Variants in CDH26 observed in about 807,000 individuals in gnomAD.
The protein encoded by CDH26 is cadherin 26, also known as cadherin-like protein 26.
A neutral mutation model predicts 90.3 loss-of-function variants in CDH26; 83 were observed. That is an observed-to-expected ratio of 0.92 (90% CI 0.77 to 1.10). CDH26 has a LOEUF of 1.10. Ranked by LOEUF, CDH26 falls within the 50% of genes least tolerant of loss-of-function variation. The pLI, the probability that CDH26 is intolerant of heterozygous loss-of-function variation, is 0.00. For synonymous variants in CDH26, 397 were observed against 396.3 expected, an observed-to-expected ratio of 1.00 and a Z score of -0.02; for missense variants, 1,013 against 1,037.6, an observed-to-expected ratio of 0.98 and a Z score of 0.33.
chr20:60,026,300 G>A (rs1293445362), intron 7 of CDH26, among the ~76,000 whole-genome samples: 3 of 152,024 alleles, frequency 2.0e-5, no homozygotes, highest in Non-Finnish European at 4.4e-5. Flanking sequence ...CCAGCTGATT[G>A]TAAAATAGGG....
intron 1 of CDH26, among the ~76,000 whole-genome samples, chr20:59,960,110 T>C (rs967671375): frequency 6.6e-6 from 1 of 152,140 alleles, no homozygotes; most frequent in Non-Finnish European, 1.5e-5. Context: ...CAGCTTAACT[T>C]TGTTCCTTAC....
intron 4 of CDH26, among the ~76,000 whole-genome samples, chr20:59,973,286 A>T (rs1223604936): frequency 6.6e-6 from 1 of 152,090 alleles, no homozygotes; most frequent in Admixed American, 6.5e-5. Context: ...AGTAGGGAGG[A>T]CCTAGTGATG....
intron 7 of CDH26, among the ~76,000 whole-genome samples, chr20:60,021,755 CA>C (rs2061952648): frequency 6.6e-6 from 1 of 150,412 alleles, no homozygotes. Flanking sequence ...AATGAGGTAA[CA>C]AAATATCATG....
Position 59,970,164 on chromosome 20 carries a change from C to T in CDH26, c.209C>T (p.Pro70Leu). The T allele has an allele frequency of 1.2e-6, 2 of 1,613,932 alleles. No individual in the cohort carries two copies. The highest frequency in any genetic ancestry group is 1.7e-6 in the Non-Finnish European group (2 of 1,179,924). Residue 70 changes from proline (P) to leucine (L), a missense_variant, in exon 3 of 18, where the codon CCC becomes CTC. Physicochemically the swap from Pro to Leu is moderately conservative, Grantham distance 98. Transcript: ENST00000348616. ...TLELEEEDPG[P>L]FPKLIGELFN... Reference sequence around the variant, plus strand: ...GAGCTGGAGGAGGAAGACCCGGGACCCTTTCCCAAACTCATTGGTGAGGTA... The same window carrying T: ...GAGCTGGAGGAGGAAGACCCGGGACTCTTTCCCAAACTCATTGGTGAGGTA...
rs879855540 is a variant in CDH26, at chr20:59,964,813, C to A, written c.70-4154C>A. Reference sequence around the variant, plus strand: ...ATCATAATAAAATGAATTTACAGAGCTTTAGTGTTGAAAGAGCCCTTAAAG... The same window carrying A: ...ATCATAATAAAATGAATTTACAGAGATTTAGTGTTGAAAGAGCCCTTAAAG... On this transcript the variant is annotated intron_variant, in intron 1 of 17. Coordinates refer to ENST00000348616, the MANE Select transcript of CDH26 (RefSeq NM_177980.4). Among the ~76,000 whole-genome samples the A allele has an allele frequency of 3.9e-5, 6 of 152,148 alleles. 1 individual carries two copies. The highest frequency in any genetic ancestry group is 3.3e-4 in the Admixed American group (5 of 15,274).
intron 7 of CDH26, among the ~76,000 whole-genome samples, chr20:60,024,240 G>A (rs571919338): frequency 1.8e-4 from 27 of 152,350 alleles, no homozygotes; most frequent in African/African-American, 5.8e-4. Flanking sequence ...ACGCTGTGTA[G>A]CCTCAGGAAG....
chr20:59,960,205 C>G (rs1287660093), intron 1 of CDH26, among the ~76,000 whole-genome samples: 1 of 152,192 alleles, frequency 6.6e-6, no homozygotes. Flanking sequence ...TTGAGCTGAC[C>G]TGGGAGTGCA....
At chr20:60,000,884 T>C (rs1164158997) in intron 14 of CDH26, among the ~76,000 whole-genome samples, 4 of 152,246 alleles carry the variant, frequency 2.6e-5, no homozygotes, top group African/African-American at 9.6e-5. Context: ...ATAGCGTCAA[T>C]GAGACCATTG....
chr20:59,984,853 C>A (rs1290134852), intron 6 of CDH26, 48 bp downstream of exon 6: 17 of 1,575,918 alleles, frequency 1.1e-5, no homozygotes, highest in Non-Finnish European at 1.5e-5. Context: ...GTGGCCCATC[C>A]TTGAGCCCCA....
At chr20:59,995,514 C>G (rs1350175624) in intron 11 of CDH26, among the ~76,000 whole-genome samples, 1 of 152,234 alleles carries the variant, frequency 6.6e-6, no homozygotes, top group Non-Finnish European at 1.5e-5. Context: ...TTTCTGGACT[C>G]TGCCCTAGGT....
At chr20:59,966,378 T>A (rs1378977780) in intron 1 of CDH26, among the ~76,000 whole-genome samples, 2 of 152,204 alleles carry the variant, frequency 1.3e-5, no homozygotes, top group East Asian at 3.8e-4. Context: ...ACGAAGAGTG[T>A]TTAAAAGATG....
intron 13 of CDH26, 141 bp from the exon 14 acceptor site, chr20:59,999,445 G>A (rs1049504828): frequency 6.5e-6 from 4 of 611,932 alleles, no homozygotes; most frequent in Non-Finnish European, 1.1e-5. Context: ...CAGGAGAGGT[G>A]TATTTTTTAC....
intron 1 of CDH26, among the ~76,000 whole-genome samples, chr20:59,965,992 T>C (rs1418809227): frequency 1.3e-5 from 2 of 152,160 alleles, no homozygotes; most frequent in African/African-American, 2.4e-5. Context: ...ATTGCTATTA[T>C]AGTAAAAATC....
Position 60,007,497 on chromosome 20 carries a change from G to A in CDH26, c.2295+710G>A, listed in dbSNP as rs549017928. Among the ~76,000 whole-genome samples the A allele has an allele frequency of 3.3e-5, 5 of 152,316 alleles. No individual in the cohort carries two copies. In the East Asian group the frequency reaches 9.6e-4, roughly 29 times the overall value. On this transcript the variant is annotated intron_variant, in intron 17 of 17. Coordinates refer to ENST00000348616, the MANE Select transcript of CDH26 (RefSeq NM_177980.4). ...ACTCAGAGTCAGAAATGTATGGGCTGTTGGCAACTGTATTTATACCCACTA... is the reference window on the plus strand; with the variant it reads ...ACTCAGAGTCAGAAATGTATGGGCTATTGGCAACTGTATTTATACCCACTA...
exon 9 of CDH26, chr20:60,033,848 A>G: frequency 1.0e-6 from 1 of 1,003,174 alleles, no homozygotes; most frequent in Non-Finnish European, 1.2e-6. Context: ...GTCATAAATA[A>G]CTTTTCCTCT....
intron 9 of CDH26, among the ~76,000 whole-genome samples, chr20:59,990,342 C>G (rs2061513349): frequency 6.6e-6 from 1 of 152,110 alleles, no homozygotes; most frequent in Non-Finnish European, 1.5e-5. Flanking sequence ...GGTCTATGTT[C>G]CATGAGACCA....
At chr20:60,001,824 T>G (rs1357776488) in intron 15 of CDH26, among the ~76,000 whole-genome samples, 1 of 152,246 alleles carries the variant, frequency 6.6e-6, no homozygotes, top group Non-Finnish European at 1.5e-5. Flanking sequence ...TGTGTCTTCT[T>G]GTACTCTACA....
exon 8 of CDH26, chr20:60,031,259 G>A (rs1167495464): frequency 1.6e-6 from 2 of 1,244,970 alleles, no homozygotes; most frequent in Non-Finnish European, 2.1e-6. Flanking sequence ...TTCAGCCTCA[G>A]CAGGGGCTGC....
chr20:60,009,768 G>A (rs770094353), intron 17 of CDH26, among the ~76,000 whole-genome samples: 2 of 152,116 alleles, frequency 1.3e-5, no homozygotes, highest in African/African-American at 2.4e-5. Context: ...TGTCAGCCTG[G>A]GGGTTTTGAA....
Sources: allele counts gnomAD v4.1 joint callset (sites outside exome capture counted in the v4.1 genomes callset), GRCh38; gene constraint gnomAD v4.1.1; transcripts MANE v1.5; gene names NCBI Gene and HGNC (gene_info 2026-07-23, HGNC 2026-07-21).